The following SOX13 variants were observed in gnomAD, a reference collection of about 807,000 sequenced individuals.
SOX13 encodes the protein SRY-box transcription factor 13.
A neutral mutation model predicts 71.8 loss-of-function variants in SOX13; 28 were observed. The observed-to-expected ratio is 0.39, with a 90% CI of 0.29 to 0.53. The LOEUF (loss-of-function observed/expected upper bound fraction) is 0.53. SOX13 is among the 20% of genes least tolerant of loss of function. SOX13 has a pLI of 0.70. For synonymous variants in SOX13, 309 were observed against 317.8 expected, an observed-to-expected ratio of 0.97 and a Z score of 0.29; for missense variants, 627 against 810.3, an observed-to-expected ratio of 0.77 and a Z score of 2.75.
At chr1:204,099,585 G>T (rs1420219078) in intron 1 of SOX13, among the ~76,000 whole-genome samples, 3 of 151,648 alleles carry the variant, frequency 2.0e-5, no homozygotes, top group Non-Finnish European at 2.9e-5. Context: ...GCAAATTTTT[G>T]TATTTTTTGT....
Position 204,122,416 on chromosome 1 carries a change from CT to C in SOX13, c.1024+18del, listed in dbSNP as rs1656828997. On this transcript the variant is annotated intron_variant, in intron 9 of 13. Transcript: ENST00000367204. The stretch of plus-strand genomic sequence containing the variant: ...TGCCTCTGGGTAAGCCTCCTGCTGC[CT>C]GCACTTGTCCCTCAGCCCTCTTAGG... 1 of 1,562,374 alleles carries C rather than the reference CT, an allele frequency of 6.4e-7. No individual in the cohort carries two copies. Among genetic ancestry groups the C allele is most frequent in the Non-Finnish European group, 8.7e-7 (1 of 1,153,740 alleles).
Position 204,123,164 on chromosome 1 carries a change from G to A in SOX13, c.1187G>A (p.Cys396Tyr), listed in dbSNP as rs925070229. Residue 396 changes from cysteine (C) to tyrosine (Y), a missense_variant, in exon 11 of 14, where the codon TGT becomes TAT. This residue lies in a region of SOX13 where 447 missense variants were observed against 532.2 expected (regional missense o/e 0.84). Coordinates refer to ENST00000367204, the MANE Select transcript of SOX13 (RefSeq NM_005686.3). The surrounding 1 kb of genome is among the most constrained non-coding windows in gnomAD (Gnocchi z 5.0). ...SPAKERLEDGCVHPLEEAMLS... is the reference protein window; with the variant it reads ...SPAKERLEDGYVHPLEEAMLS... ...GCCAAGGAGCGGCTGGAGGACGGCT[G>A]TGTGCACCCACTGGAGGAAGCCATG... 3.7e-6 allele frequency: 6 copies of A among 1,613,532 alleles called. No individual in the cohort carries two copies. Among genetic ancestry groups the A allele is most frequent in the Non-Finnish European group, 5.1e-6 (6 of 1,179,740 alleles).
chr1:204,112,413 C>G (rs1018628684), intron 1 of SOX13, among the ~76,000 whole-genome samples: 8 of 150,584 alleles, frequency 5.3e-5, no homozygotes, highest in African/African-American at 2.0e-4. Flanking sequence ...TGCACTCCAG[C>G]CTAGGTGACA....
chr1:204,120,689 A>G (rs995449520), intron 7 of SOX13, among the ~76,000 whole-genome samples: 1 of 152,158 alleles, frequency 6.6e-6, no homozygotes, highest in Non-Finnish European at 1.5e-5. Context: ...CGGCTCCCAC[A>G]GGGAGCCTGC....
intron 1 of SOX13, among the ~76,000 whole-genome samples, chr1:204,094,661 T>TC (rs1371082392): frequency 6.6e-6 from 1 of 152,086 alleles, no homozygotes; most frequent in Non-Finnish European, 1.5e-5. Context: ...TCCCCAAGGC[T>TC]CCCTTGGGGC....
intron 8 of SOX13, 121 bp from the exon 9 acceptor site, chr1:204,122,116 C>T (rs527552665): frequency 4.3e-5 from 46 of 1,060,158 alleles, no homozygotes; most frequent in Middle Eastern, 4.1e-4. Context: ...GCTCCTTCTG[C>T]GTCCACTTTT....
chr1:204,125,955 C>T lies in SOX13; in HGVS notation c.1690C>T (p.Pro564Ser), dbSNP rs1656912282. ...LAQPLVEHYVPRSLDPNMPVI... is the reference protein window; with the variant it reads ...LAQPLVEHYVSRSLDPNMPVI... ...ACAGCCACTGGTGGAGCACTATGTC[C>T]CTCGTAGCCTGGACCCCAACATGCC... Residue 564 changes from proline to serine, a missense_variant, in exon 14 of 14, where the codon CCT becomes TCT. Around this residue, in one of 3 missense-constraint regions of SOX13, gnomAD observed 148 missense variants for 192.7 expected, o/e 0.77. Transcript: ENST00000367204. 6.2e-7 allele frequency: 1 copy of T among 1,613,908 alleles called. No homozygotes were observed.
chr1:204,123,047 AGGAGCATG>A lies in SOX13; in HGVS notation c.1135-62_1135-55del. 6.6e-7 allele frequency: 1 copy of A among 1,521,118 alleles called. No individual in the cohort carries two copies. The highest frequency in any genetic ancestry group is 9.1e-7 in the Non-Finnish European group (1 of 1,098,340). 94.2% of individuals were successfully genotyped at this position (1,521,118 alleles called of 1,614,324 possible). On this transcript the variant is annotated intron_variant, in intron 10 of 13. Transcript: ENST00000367204. This position sits in a 1 kb window ranked among gnomAD's most constrained non-coding sequence, Gnocchi z 5.0. ...AGACACAGTCTGAGGCCACCAAGAG[AGGAGCATG>A]GGGAGGAGTGGGGTGATGCAGAGGA...
At chr1:204,080,432 T>C (rs911047651) in intron 1 of SOX13, among the ~76,000 whole-genome samples, 1 of 152,084 alleles carries the variant, frequency 6.6e-6, no homozygotes, top group South Asian at 2.1e-4. Context: ...CCCTCCTGGC[T>C]CCCCTCCCGC....
At chr1:204,105,717 C>T (rs974833333) in intron 1 of SOX13, among the ~76,000 whole-genome samples, 2 of 152,144 alleles carry the variant, frequency 1.3e-5, no homozygotes, top group African/African-American at 4.8e-5. Flanking sequence ...AGTCTTGAAG[C>T]AGTGCTGCCC....
Position 204,121,910 on chromosome 1 carries a change from G to T in SOX13, c.786G>T (p.Pro262=), listed in dbSNP as rs373823352. 1 of 1,611,382 alleles carries T rather than the reference G, an allele frequency of 6.2e-7. No individual in the cohort carries two copies. The highest frequency in any genetic ancestry group is 8.5e-7 in the Non-Finnish European group (1 of 1,177,732). Residue 262 remains proline (P), a synonymous_variant, in exon 8 of 14, where the codon CCG becomes CCT. Transcript: ENST00000367204. The stretch of plus-strand genomic sequence containing the variant: ...CTGCCTTTTCCATAGTGGAGTATCC[G>T]CTGCAGCTGCTGCACAGCCCCCCTG... ...QPIPCKPVEY[P]LQLLHSPPAP...
At chr1:204,117,847 C>A in intron 7 of SOX13, 140 bp downstream of exon 7, 1 of 616,718 alleles carries the variant, frequency 1.6e-6, no homozygotes, top group South Asian at 2.0e-5. Context: ...GTAGAAGAAT[C>A]ATCCTCTTTT....
chr1:204,078,646 C>T (rs1004450039), intron 1 of SOX13, among the ~76,000 whole-genome samples: 6 of 152,162 alleles, frequency 3.9e-5, no homozygotes, highest in African/African-American at 1.4e-4. Flanking sequence ...ATCACAGTGC[C>T]TTTTACCAGA....
At chr1:204,105,172 C>A (rs980294235) in intron 1 of SOX13, among the ~76,000 whole-genome samples, 2 of 152,172 alleles carry the variant, frequency 1.3e-5, no homozygotes, top group Non-Finnish European at 2.9e-5. Context: ...ATTTGGGGGC[C>A]TCGGGGCCTG....
intron 1 of SOX13, among the ~76,000 whole-genome samples, chr1:204,097,242 C>A (rs1046410913): frequency 1.3e-5 from 2 of 152,080 alleles, no homozygotes; most frequent in Non-Finnish European, 2.9e-5. Flanking sequence ...TCATTTCAAC[C>A]ACGGGGCATG....
At chr1:204,078,926 C>G (rs1558208464) in intron 1 of SOX13, among the ~76,000 whole-genome samples, 1 of 152,216 alleles carries the variant, frequency 6.6e-6, no homozygotes, top group Non-Finnish European at 1.5e-5. Flanking sequence ...TATGGTAGTT[C>G]CCTCCTAAGA....
rs11454769 is a variant in SOX13 at position 204,120,982 on chromosome 1, C to CTT, written c.776-904_776-903dup. 3.3e-3 allele frequency among the ~76,000 whole-genome samples: 460 copies of CTT among 140,572 alleles called. 9 individuals are homozygous for CTT. The East Asian group carries it at 0.043, about 13-fold the overall frequency. The allele number at this position is 140,572 out of a possible 152,430, so 92.2% of individuals were successfully genotyped here. Reference sequence around the variant, plus strand: ...TTTTTAGTTTTGAAAATTTTAAATTCTTTTTTTTTTTTTTTGAAACAGAGT... The same window carrying CTT: ...TTTTTAGTTTTGAAAATTTTAAATTCTTTTTTTTTTTTTTTTTGAAACAGAGT... On this transcript the variant is annotated intron_variant, in intron 7 of 13. Transcript: ENST00000367204.
In SOX13 at chr1:204,075,698, G is replaced by T. The variant is rs139238431; in HGVS notation, c.-2+1987G>T. ...TGGAGTTAGATCCCGGATGCCACTG[G>T]CGGTGTGACTCTGGGCAATTTAACT... On this transcript the variant is annotated intron_variant, in intron 1 of 13. Transcript: ENST00000367204. Among the ~76,000 whole-genome samples, 3 of 152,264 alleles carry T rather than the reference G, an allele frequency of 2.0e-5. No individual in the cohort carries two copies. The East Asian group carries it at 5.8e-4, about 29-fold the overall frequency.
intron 2 of SOX13, 134 bp downstream of exon 2, chr1:204,113,268 T>C (rs1408750837): frequency 1.3e-6 from 1 of 766,678 alleles, no homozygotes; most frequent in Non-Finnish European, 2.0e-6. Flanking sequence ...TAAGACGCCA[T>C]GTAGGGAAGC....
Sources: allele counts gnomAD v4.1 joint callset (sites outside exome capture counted in the v4.1 genomes callset), GRCh38; gene constraint gnomAD v4.1.1; regional missense constraint gnomAD v4.1.1; non-coding constraint Gnocchi (gnomAD v3.1); transcripts MANE v1.5; gene names NCBI Gene and HGNC (gene_info 2026-07-23, HGNC 2026-07-21).